TENM4: variants seen among roughly 807,000 people sequenced by gnomAD.
TENM4 encodes teneurin transmembrane protein 4.
TENM4 carries 82 observed loss-of-function variants against 243.3 expected under a neutral mutation model. That is an observed-to-expected ratio of 0.34 (90% CI 0.28 to 0.40). The LOEUF is 0.40. TENM4 is among the 10% of genes least tolerant of loss of function. The probability of loss-of-function intolerance (pLI) is 1.00; values close to 1 mark genes in which losing one functional copy is unlikely to be tolerated. For missense variants in TENM4, 3,138 were observed against 3,673.3 expected, an observed-to-expected ratio of 0.85 and a Z score of 3.77; for synonymous variants, 1,412 against 1,456.3, an observed-to-expected ratio of 0.97 and a Z score of 0.69.
intron 1 of TENM4, among the ~76,000 whole-genome samples, chr11:79,413,512 C>T (rs1858746593): frequency 6.6e-6 from 1 of 152,232 alleles, no homozygotes; most frequent in African/African-American, 2.4e-5. Flanking sequence ...ACACAAGGTT[C>T]CCATGAGACC....
rs35826021 is a variant in TENM4 at position 79,085,388 on chromosome 11, A to AAAG, written c.-65-15380_-65-15379insCTT. 7.9e-4 allele frequency among the ~76,000 whole-genome samples: 104 copies of AAAG among 132,206 alleles called. 1 individual carries two copies. Among genetic ancestry groups the AAAG allele is most frequent in the South Asian group, 1.4e-3 (6 of 4,270 alleles). The allele number at this position is 132,206 out of a possible 152,430, so 86.7% of individuals were successfully genotyped here. Reference sequence around the variant, plus strand: ...CGAGACTCTGTCTCAAAAAAAAAAAAGGGGGGTTTTTTTTTTGGGTCAGGC... The same window carrying AAAG: ...CGAGACTCTGTCTCAAAAAAAAAAAAAAGGGGGGGTTTTTTTTTTGGGTCAGGC... On this transcript the variant is annotated intron_variant, in intron 4 of 33. Transcript: ENST00000278550.
intron 1 of TENM4, among the ~76,000 whole-genome samples, chr11:79,402,891 A>G (rs1268547628): frequency 6.6e-6 from 1 of 152,242 alleles, no homozygotes; most frequent in African/African-American, 2.4e-5. Flanking sequence ...TAGGTACTCA[A>G]TAAATTCTTG....
intron 6 of TENM4, among the ~76,000 whole-genome samples, chr11:78,918,897 G>A (rs529894716): frequency 1.1e-4 from 16 of 152,292 alleles, no homozygotes; most frequent in African/African-American, 3.4e-4. Flanking sequence ...TTCAGAGTCC[G>A]GTTGACATGG....
At chr11:79,323,641 C>T (rs1856927896) in intron 1 of TENM4, among the ~76,000 whole-genome samples, 1 of 152,228 alleles carries the variant, frequency 6.6e-6, no homozygotes, top group Admixed American at 6.5e-5. Flanking sequence ...TTAACATTCA[C>T]AATCACCTGA....
At chr11:79,225,532 C>A (rs1035434002) in intron 2 of TENM4, among the ~76,000 whole-genome samples, 1 of 152,196 alleles carries the variant, frequency 6.6e-6, no homozygotes, top group African/African-American at 2.4e-5. Flanking sequence ...AGTCTCCCAC[C>A]TCAGCCTCCT....
chr11:78,852,855 T>A (rs535611877), intron 12 of TENM4, among the ~76,000 whole-genome samples: 1 of 152,184 alleles, frequency 6.6e-6, no homozygotes, highest in East Asian at 1.9e-4. Flanking sequence ...GCTCAAGGGA[T>A]CCTCCCACCT....
intron 1 of TENM4, among the ~76,000 whole-genome samples, chr11:79,346,287 A>G (rs531159964): frequency 3.3e-5 from 5 of 152,200 alleles, no homozygotes; most frequent in African/African-American, 1.2e-4. Flanking sequence ...ACAGTACCTC[A>G]GTGTCTGGGT....
chr11:79,415,111 G>A (rs900821747), intron 1 of TENM4, among the ~76,000 whole-genome samples: 1 of 152,172 alleles, frequency 6.6e-6, no homozygotes, highest in African/African-American at 2.4e-5. Flanking sequence ...AGATGACAGG[G>A]TTGCATTAAG....
chr11:78,779,809 T>C (rs1856807088), intron 16 of TENM4, among the ~76,000 whole-genome samples: 1 of 152,196 alleles, frequency 6.6e-6, no homozygotes, highest in African/African-American at 2.4e-5. Flanking sequence ...TGTGGCCTTA[T>C]CAGGAATCCC....
At chr11:79,193,127 T>A (rs1863550672) in intron 3 of TENM4, 1 of 152,256 alleles carries the variant, frequency 6.6e-6, no homozygotes, top group Admixed American at 6.5e-5. Context: ...CTTTCAGTAT[T>A]TGAGGACTGA....
chr11:78,897,354 T>C (rs1855821429), intron 7 of TENM4, among the ~76,000 whole-genome samples: 1 of 152,132 alleles, frequency 6.6e-6, no homozygotes, highest in African/African-American at 2.4e-5. Flanking sequence ...ACCAGGGCTG[T>C]GAGTATTAAC....
chr11:79,427,420 G>A (rs542358004), intron 1 of TENM4, among the ~76,000 whole-genome samples: 2 of 152,276 alleles, frequency 1.3e-5, no homozygotes, highest in African/African-American at 4.8e-5. Flanking sequence ...ATACTACATA[G>A]CTATTAAACA....
intron 15 of TENM4, among the ~76,000 whole-genome samples, chr11:78,798,024 A>G (rs1371622875): frequency 6.6e-6 from 1 of 152,236 alleles, no homozygotes; most frequent in Non-Finnish European, 1.5e-5. Flanking sequence ...GAGACTTGTA[A>G]CAGGGGAGAA....
intron 1 of TENM4, among the ~76,000 whole-genome samples, chr11:79,369,148 T>C (rs1248014372): frequency 6.6e-6 from 1 of 152,154 alleles, no homozygotes; most frequent in East Asian, 1.9e-4. Flanking sequence ...ATTTTTTTTT[T>C]AACTGGGAAC....
chr11:78,899,758 C>T (rs910018771), intron 7 of TENM4, among the ~76,000 whole-genome samples: 3 of 152,110 alleles, frequency 2.0e-5, no homozygotes, highest in African/African-American at 7.2e-5. Context: ...CTCCCCACCC[C>T]TCTCTCTGTT....
chr11:79,385,425 G>T (rs1006913238), intron 1 of TENM4, among the ~76,000 whole-genome samples: 2 of 152,160 alleles, frequency 1.3e-5, no homozygotes, highest in Non-Finnish European at 2.9e-5. Context: ...ACTGAAAGAA[G>T]CTAGGTTATT....
chr11:79,281,468 G>A (rs1856155855), intron 2 of TENM4, among the ~76,000 whole-genome samples: 2 of 152,088 alleles, frequency 1.3e-5, no homozygotes, highest in African/African-American at 2.4e-5. Flanking sequence ...AATTTATCAC[G>A]ACAACCCTAG....
intron 6 of TENM4, chr11:78,904,006 A>C: frequency 2.8e-6 from 1 of 358,702 alleles, no homozygotes; most frequent in Admixed American, 3.9e-5. Context: ...TGTATGCTAA[A>C]ATTCTAGAAC....
At position 78,732,213 on chromosome 11, in the gene TENM4, G is replaced by A. The variant is rs1855685705; in HGVS notation, c.3138+103C>T. 2.7e-6 allele frequency: 4 copies of A among 1,460,784 alleles called. No homozygotes were observed. The African/African-American group carries it at 4.2e-5, about 16-fold the overall frequency. The allele number at this position is 1,460,784 out of a possible 1,614,324, so 90.5% of individuals were successfully genotyped here. On this transcript the variant is annotated intron_variant, in intron 21 of 33. Transcript: ENST00000278550. ...AACAGGCTGATGGGACCTGACCCAA[G>A]CCCTACAGAGGTGTTTTTTCTCTTT... is the stretch of plus-strand genomic sequence containing the variant.
Sources: allele counts gnomAD v4.1 joint callset (sites outside exome capture counted in the v4.1 genomes callset), GRCh38; gene constraint gnomAD v4.1.1; transcripts MANE v1.5; gene names NCBI Gene and HGNC (gene_info 2026-07-23, HGNC 2026-07-21).